The following TBCA variants were observed in gnomAD, a reference collection of about 807,000 sequenced individuals.
The protein encoded by TBCA is tubulin folding cofactor A.
A neutral mutation model predicts 15.8 loss-of-function variants in TBCA; 6 were observed. That is an observed-to-expected ratio of 0.38 (90% confidence interval 0.21 to 0.75). The LOEUF is 0.75. Ranked by LOEUF, TBCA falls within the 30% of genes least tolerant of loss-of-function variation. TBCA has a pLI of 0.46. For synonymous variants in TBCA, 32 were observed against 42.3 expected, an observed-to-expected ratio of 0.76 and a Z score of 0.94; for missense variants, 90 against 131.2, an observed-to-expected ratio of 0.69 and a Z score of 1.53.
Position 77,744,954 on chromosome 5 carries a change from C to T in TBCA, c.53+31251G>A, listed in dbSNP as rs1364946480. ...TGTTCTCATCCTGGCTCTACCACTT[C>T]CCAGCTGTGTATCTTTGGGTACATT... is the stretch of plus-strand genomic sequence containing the variant. On this transcript the variant is annotated intron_variant, in intron 1 of 3. Coordinates refer to ENST00000380377, the MANE Select transcript of TBCA (RefSeq NM_004607.3). 3.3e-5 allele frequency among the ~76,000 whole-genome samples: 5 copies of T among 152,224 alleles called. No homozygotes were observed. The South Asian group carries it at 8.3e-4, about 25-fold the overall frequency.
In TBCA at chr5:77,728,622, TA is replaced by T. The variant is rs753250820; in HGVS notation, c.54-20276del. Among the ~76,000 whole-genome samples the T allele has an allele frequency of 2.6e-5, 4 of 152,102 alleles. No individual in the cohort carries two copies. The East Asian group carries it at 5.8e-4, about 22-fold the overall frequency. The stretch of plus-strand genomic sequence containing the variant: ...ATAGGACAGCAATAAACTTGTGTGT[TA>T]AAAAAAAGTCAAATGATGTTCAAAT... On this transcript the variant is annotated intron_variant, in intron 1 of 3. Transcript: ENST00000380377.
chr5:77,693,998 A>AT (rs1745817766), intron 2 of TBCA, among the ~76,000 whole-genome samples: 1 of 152,152 alleles, frequency 6.6e-6, no homozygotes, highest in Non-Finnish European at 1.5e-5. Flanking sequence ...GTTGCAAAGC[A>AT]CCTTTATCTA....
chr5:77,722,637 G>A (rs1433508005), intron 1 of TBCA, among the ~76,000 whole-genome samples: 1 of 151,658 alleles, frequency 6.6e-6, no homozygotes, highest in Non-Finnish European at 1.5e-5. Context: ...AAACTAATTC[G>A]AGCACAGAAC....
At chr5:77,738,907 G>C (rs1746971106) in intron 1 of TBCA, among the ~76,000 whole-genome samples, 1 of 152,062 alleles carries the variant, frequency 6.6e-6, no homozygotes, top group South Asian at 2.1e-4. Context: ...ACTTCTACAG[G>C]ACTGTTTCCA....
intron 3 of TBCA, 167 bp from the exon 4 acceptor site, chr5:77,691,665 T>C: frequency 7.3e-6 from 10 of 1,361,710 alleles, no homozygotes; most frequent in Non-Finnish European, 9.4e-6. Flanking sequence ...CCACATTCTG[T>C]TCCTTCTTTA....
chr5:77,765,335 G>C (rs1747745213), intron 1 of TBCA, among the ~76,000 whole-genome samples: 1 of 152,110 alleles, frequency 6.6e-6, no homozygotes, highest in African/African-American at 2.4e-5. Context: ...GGACCCCAAG[G>C]GGTTCCTAGA....
chr5:77,698,712 C>A (rs907988801), intron 2 of TBCA, among the ~76,000 whole-genome samples: 7 of 152,068 alleles, frequency 4.6e-5, no homozygotes, highest in African/African-American at 7.2e-5. Context: ...CAACACCACA[C>A]AAAGACAGCA....
chr5:77,694,854 T>C (rs1165614918), intron 2 of TBCA, among the ~76,000 whole-genome samples: 1 of 152,230 alleles, frequency 6.6e-6, no homozygotes, highest in African/African-American at 2.4e-5. Flanking sequence ...GGAAATCTAT[T>C]GTTGAACTTA....
chr5:77,772,026 A>G (rs1280753589), intron 1 of TBCA, among the ~76,000 whole-genome samples: 1 of 152,136 alleles, frequency 6.6e-6, no homozygotes, highest in Non-Finnish European at 1.5e-5. Flanking sequence ...TAACCAGAAA[A>G]AGAGTGTCAA....
In TBCA at chr5:77,741,576, A is replaced by T. The variant is rs191275781; in HGVS notation, c.54-33229T>A. ...CAAAAGAAAAAAAATAGATTTTTTT[A>T]AAAAAGTAATGATTAAAAAGAGACC... On this transcript the variant is annotated intron_variant, in intron 1 of 3. Coordinates refer to ENST00000380377, the MANE Select transcript of TBCA (RefSeq NM_004607.3). 5.5e-3 allele frequency among the ~76,000 whole-genome samples: 840 copies of T among 152,102 alleles called. 10 individuals carry two copies. Among genetic ancestry groups the T allele is most frequent in the East Asian group, 0.028 (148 of 5,194 alleles).
intron 1 of TBCA, among the ~76,000 whole-genome samples, chr5:77,717,080 T>C (rs889318520): frequency 1.3e-5 from 2 of 152,214 alleles, no homozygotes; most frequent in Non-Finnish European, 2.9e-5. Context: ...CTTGGGATCA[T>C]GAGGAAATCC....
chr5:77,735,243 A>C (rs992529568), intron 1 of TBCA, among the ~76,000 whole-genome samples: 4 of 152,356 alleles, frequency 2.6e-5, no homozygotes, highest in African/African-American at 9.6e-5. Flanking sequence ...CTCTTAAATA[A>C]GGTACTCAAA....
chr5:77,759,062 G>GT (rs1747545124), intron 1 of TBCA, among the ~76,000 whole-genome samples: 1 of 152,126 alleles, frequency 6.6e-6, no homozygotes, highest in Non-Finnish European at 1.5e-5. Context: ...CTCCTGGTGG[G>GT]GGGGTAGGTG....
At chr5:77,692,809 A>G (rs1317009362) in intron 3 of TBCA, 6 of 1,059,370 alleles carry the variant, frequency 5.7e-6, no homozygotes, top group Non-Finnish European at 6.8e-6. Context: ...GGGACTACAT[A>G]GATTACCAGG....
intron 1 of TBCA, among the ~76,000 whole-genome samples, chr5:77,715,553 T>G (rs1050898698): frequency 3.9e-5 from 6 of 151,912 alleles, no homozygotes; most frequent in African/African-American, 1.5e-4. Context: ...AGGAACCTCA[T>G]CCCCCTGACA....
At chr5:77,757,779 G>T (rs760908227) in intron 1 of TBCA, among the ~76,000 whole-genome samples, 5 of 152,200 alleles carry the variant, frequency 3.3e-5, no homozygotes, top group Non-Finnish European at 7.3e-5. Context: ...TTAAGGATGT[G>T]CCCGTGACAT....
intron 1 of TBCA, among the ~76,000 whole-genome samples, chr5:77,757,853 T>C (rs1368367101): frequency 6.6e-6 from 1 of 152,124 alleles, no homozygotes; most frequent in East Asian, 1.9e-4. Flanking sequence ...TTTTATATAT[T>C]TTAGAGAGAT....
At chr5:77,746,312 G>C (rs903870789) in intron 1 of TBCA, among the ~76,000 whole-genome samples, 2 of 151,990 alleles carry the variant, frequency 1.3e-5, no homozygotes, top group African/African-American at 2.4e-5. Flanking sequence ...ATGAAGACTT[G>C]TTTTACTTTT....
At chr5:77,717,990 C>T (rs967234053) in intron 1 of TBCA, among the ~76,000 whole-genome samples, 2 of 151,516 alleles carry the variant, frequency 1.3e-5, no homozygotes, top group South Asian at 2.1e-4. Flanking sequence ...ATTAGCCAGG[C>T]GAGGTGGCGC....
Sources: gnomAD v4.1 joint callset for allele counts (sites outside exome capture counted in the v4.1 genomes callset) on GRCh38, gnomAD v4.1.1 for gene constraint, MANE v1.5 for transcripts, NCBI Gene and HGNC (gene_info 2026-07-23, HGNC 2026-07-21) for gene names.